Variants in CACNA2D3 observed in about 807,000 individuals in gnomAD.
CACNA2D3 encodes calcium voltage-gated channel auxiliary subunit alpha2delta 3.
A neutral mutation model predicts 160.6 loss-of-function variants in CACNA2D3; 60 were observed. The observed-to-expected ratio is 0.37, with a 90% confidence interval of 0.30 to 0.46. The LOEUF (loss-of-function observed/expected upper bound fraction) is 0.46. CACNA2D3 is among the 20% of genes least tolerant of loss of function. The pLI is 1.00. For synonymous variants in CACNA2D3, 558 were observed against 492.9 expected, an observed-to-expected ratio of 1.13 and a Z score of -1.75; for missense variants, 1,205 against 1,365.0, an observed-to-expected ratio of 0.88 and a Z score of 1.85.
chr3:54,308,340 A>G (rs1032495956), intron 2 of CACNA2D3, among the ~76,000 whole-genome samples: 1 of 152,178 alleles, frequency 6.6e-6, no homozygotes, highest in Non-Finnish European at 1.5e-5. Context: ...CTATGTGTCT[A>G]ATTACTGCCA....
At chr3:54,561,927 C>G (rs918875066) in intron 5 of CACNA2D3, among the ~76,000 whole-genome samples, 3 of 152,336 alleles carry the variant, frequency 2.0e-5, no homozygotes, top group African/African-American at 7.2e-5. Flanking sequence ...GCACATCTTA[C>G]ATGGTAACAT....
chr3:54,865,021 G>T (rs973685048), intron 17 of CACNA2D3, among the ~76,000 whole-genome samples: 7 of 152,224 alleles, frequency 4.6e-5, no homozygotes, highest in African/African-American at 1.7e-4. Flanking sequence ...CCTTCATGAC[G>T]AATGATGGGA....
At chr3:54,930,703 T>G (rs1701166073) in intron 27 of CACNA2D3, among the ~76,000 whole-genome samples, 1 of 152,220 alleles carries the variant, frequency 6.6e-6, no homozygotes, top group African/African-American at 2.4e-5. Context: ...GCATCAGCAT[T>G]CTATCTGTAG....
chr3:54,897,795 G>C (rs542234641), intron 26 of CACNA2D3, among the ~76,000 whole-genome samples: 25 of 152,302 alleles, frequency 1.6e-4, no homozygotes, highest in African/African-American at 6.0e-4. Flanking sequence ...GGGTGCTTTT[G>C]AAATTTGTAG....
chr3:54,390,428 C>A (rs1699259573), intron 4 of CACNA2D3, among the ~76,000 whole-genome samples: 1 of 152,100 alleles, frequency 6.6e-6, no homozygotes, highest in Non-Finnish European at 1.5e-5. Flanking sequence ...CTCTTGGGAA[C>A]AAGGAAAGGG....
intron 5 of CACNA2D3, among the ~76,000 whole-genome samples, chr3:54,513,860 T>C (rs1237693751): frequency 2.0e-5 from 3 of 152,182 alleles, no homozygotes; most frequent in African/African-American, 7.2e-5. Flanking sequence ...TTTGTATTTT[T>C]ATCAGAGACA....
chr3:54,982,056 A>G (rs533091608), intron 29 of CACNA2D3, among the ~76,000 whole-genome samples: 1 of 152,218 alleles, frequency 6.6e-6, no homozygotes, highest in African/African-American at 2.4e-5. Context: ...GTTTTCTGGC[A>G]GTCCCATCAG....
chr3:54,760,506 A>G (rs1702063109), intron 12 of CACNA2D3, among the ~76,000 whole-genome samples: 1 of 152,132 alleles, frequency 6.6e-6, no homozygotes, highest in Non-Finnish European at 1.5e-5. Flanking sequence ...AACTCTAAAT[A>G]TAAGCTATTG....
chr3:54,897,726 A>G (rs1006276962), intron 26 of CACNA2D3, among the ~76,000 whole-genome samples: 5 of 152,214 alleles, frequency 3.3e-5, no homozygotes, highest in African/African-American at 9.7e-5. Context: ...TTTGTGCCCA[A>G]TCCCCCTCCC....
chr3:54,325,569 C>G (rs1271353301), intron 3 of CACNA2D3, among the ~76,000 whole-genome samples: 1 of 152,108 alleles, frequency 6.6e-6, no homozygotes, highest in Non-Finnish European at 1.5e-5. Flanking sequence ...TCAGAGGACC[C>G]TAAATGTCAG....
intron 14 of CACNA2D3, among the ~76,000 whole-genome samples, chr3:54,822,757 T>TCTTTCTTTCTTTCTTTCTTTCTTTCTTTC: frequency 1.2e-5 from 1 of 81,238 alleles, no homozygotes; most frequent in East Asian, 3.7e-4. Flanking sequence ...TTTCTTTCTT[T>TCTTTCTTTCTTTCTTTCTTTCTTTCTTTC]CTTTCTTTCT....
At chr3:54,232,767 C>G (rs932190024) in intron 2 of CACNA2D3, among the ~76,000 whole-genome samples, 9 of 152,160 alleles carry the variant, frequency 5.9e-5, no homozygotes, top group Non-Finnish European at 1.2e-4. Context: ...GCACAGGAGG[C>G]TATAACAAAG....
chr3:54,575,599 C>T (rs1038901823), intron 8 of CACNA2D3, among the ~76,000 whole-genome samples: 50 of 152,084 alleles, frequency 3.3e-4, no homozygotes, highest in African/African-American at 1.1e-3. Flanking sequence ...TGTGTGTGAG[C>T]CTTGTTTGGG....
chr3:54,898,157 TTTATCTTTC>T (rs1278121558), intron 26 of CACNA2D3, among the ~76,000 whole-genome samples: 3 of 121,268 alleles, frequency 2.5e-5, no homozygotes, highest in Non-Finnish European at 4.9e-5. Context: ...TCTTTCTTTC[TTTATCTTTC>T]TTTTCTTTTC....
intron 9 of CACNA2D3, among the ~76,000 whole-genome samples, chr3:54,620,938 A>C (rs560048871): frequency 6.6e-6 from 1 of 152,348 alleles, no homozygotes; most frequent in South Asian, 2.1e-4. Flanking sequence ...TCACTTTGCC[A>C]GTATTGGCTG....
Position 54,676,899 on chromosome 3 carries a change from A to T in CACNA2D3, c.1167+34658A>T, listed in dbSNP as rs569317245. The stretch of plus-strand genomic sequence containing the variant: ...CCCCCAAAACAACTGAGGTAAAATA[A>T]ATTTTTTGGCACCAAGTAGGGAGTC... On this transcript the variant is annotated intron_variant, in intron 11 of 37. Transcript: ENST00000474759. Among the ~76,000 whole-genome samples the T allele has an allele frequency of 5.9e-5, 9 of 152,276 alleles. No individual in the cohort carries two copies. In the South Asian group the frequency reaches 1.0e-3, roughly 18 times the overall value.
chr3:54,479,965 A>G (rs1481831726), intron 4 of CACNA2D3, among the ~76,000 whole-genome samples: 4 of 151,966 alleles, frequency 2.6e-5, no homozygotes, highest in Non-Finnish European at 4.4e-5. Flanking sequence ...AATCCAGGAG[A>G]ATTTCTTCTC....
chr3:54,426,124 T>A (rs1332656549), intron 4 of CACNA2D3, among the ~76,000 whole-genome samples: 1 of 152,134 alleles, frequency 6.6e-6, no homozygotes, highest in Non-Finnish European at 1.5e-5. Context: ...CTGGCTTACA[T>A]AGTGGTCAAG....
At position 54,296,998 on chromosome 3, in the gene CACNA2D3, C is replaced by A. The variant is rs7649860; in HGVS notation, c.205-23444C>A. Among the ~76,000 whole-genome samples the A allele has an allele frequency of 5.3e-5, 8 of 152,070 alleles. No homozygotes were observed. In the East Asian group the frequency reaches 1.4e-3, roughly 26 times the overall value. On this transcript the variant is annotated intron_variant, in intron 2 of 37. Transcript: ENST00000474759. ...AGGGAATACCTCCTCCACTTCCTACCTAGCGCTTTTGATCCAGGTCTCAGA... is the reference window on the plus strand; with the variant it reads ...AGGGAATACCTCCTCCACTTCCTACATAGCGCTTTTGATCCAGGTCTCAGA...
Sources: gnomAD v4.1 joint callset for allele counts (sites outside exome capture counted in the v4.1 genomes callset) on GRCh38, gnomAD v4.1.1 for gene constraint, MANE v1.5 for transcripts, NCBI Gene and HGNC (gene_info 2026-07-23, HGNC 2026-07-21) for gene names.